The following ARHGAP27 variants were observed in gnomAD, a reference collection of about 807,000 sequenced individuals.
ARHGAP27 encodes rho GTPase-activating protein 27.
In ARHGAP27, 53 loss-of-function variants were observed where a neutral mutation model predicts 102.0. The observed-to-expected ratio is 0.52, with a 90% CI of 0.42 to 0.65. ARHGAP27 has a LOEUF of 0.65. Among genes scored for constraint, ARHGAP27 ranks in the 30% least tolerant of loss-of-function variants. The probability of loss-of-function intolerance (pLI) is 0.00; values close to 1 mark genes in which losing one functional copy is unlikely to be tolerated. For synonymous variants in ARHGAP27, 525 were observed against 542.8 expected, an observed-to-expected ratio of 0.97 and a Z score of 0.46; for missense variants, 1,117 against 1,256.2, an observed-to-expected ratio of 0.89 and a Z score of 1.68.
chr17:45,402,611 TA>T (rs1289815066), intron 12 of ARHGAP27, 102 bp downstream of exon 12: 1 of 1,084,268 alleles, frequency 9.2e-7, no homozygotes, highest in Non-Finnish European at 1.4e-6. Flanking sequence ...CATAGGGAAT[TA>T]AGGGTCAAAA....
Position 45,396,204 on chromosome 17 carries a change from C to T in ARHGAP27, c.2251+3G>A, listed in dbSNP as rs745427174. On this transcript the variant is annotated splice_donor_region_variant and intron_variant, in intron 17 of 19. Transcript: ENST00000685559. The stretch of plus-strand genomic sequence containing the variant: ...TGGGGCAGGGGTTGGGGACGGGCCT[C>T]ACCGTGGTCCACCTTATAGCGTAGC... 1.2e-6 allele frequency: 2 copies of T among 1,608,400 alleles called. No individual in the cohort carries two copies. Among genetic ancestry groups the T allele is most frequent in the East Asian group, 4.5e-5 (2 of 44,804 alleles).
rs548903607 is a variant in ARHGAP27 at position 45,426,370 on chromosome 17, C to T, written c.657+3253G>A. ...GCCCCTTTGGGACTGCATCTTACCACACTTTGTCCCCAGTGTCCAGCACAG... is the reference window on the plus strand; with the variant it reads ...GCCCCTTTGGGACTGCATCTTACCATACTTTGTCCCCAGTGTCCAGCACAG... On this transcript the variant is annotated intron_variant, in intron 4 of 19. Transcript: ENST00000685559. 9.6e-4 allele frequency among the ~76,000 whole-genome samples: 146 copies of T among 152,268 alleles called. 1 individual carries two copies. The highest frequency in any genetic ancestry group is 3.1e-3 in the African/African-American group (130 of 41,566).
Position 45,395,533 on chromosome 17 carries a change from G to A in ARHGAP27, c.2593C>T (p.Pro865Ser), listed in dbSNP as rs1474206434. Reference sequence around the variant, plus strand: ...TGGTTCTGGAACACCATGGTCATGGGCATGCTGGTCTCTTCCACCTCGGGC... The same window carrying A: ...TGGTTCTGGAACACCATGGTCATGGACATGCTGGTCTCTTCCACCTCGGGC... ...LRPEVEETSM[P>S]MTMVFQNQVV... is the part of the protein sequence containing the mutation. Residue 865 changes from proline (P) to serine (S), a missense_variant, in exon 20 of 20, where the codon CCC (proline) becomes TCC (serine). Transcript: ENST00000685559. The A allele has an allele frequency of 1.2e-6, 2 of 1,601,630 alleles. No homozygotes were observed. Among genetic ancestry groups the A allele is most frequent in the Non-Finnish European group, 8.5e-7 (1 of 1,174,270 alleles).
At chr17:45,402,227 C>T (rs1397039784) in intron 12 of ARHGAP27, among the ~76,000 whole-genome samples, 1 of 152,168 alleles carries the variant, frequency 6.6e-6, no homozygotes, top group Non-Finnish European at 1.5e-5. Context: ...TCACAGTAAG[C>T]AGCCAGGGAC....
chr17:45,417,121 A>G (rs1266432734), intron 4 of ARHGAP27, among the ~76,000 whole-genome samples: 1 of 149,138 alleles, frequency 6.7e-6, no homozygotes, highest in Non-Finnish European at 1.5e-5. Context: ...GAGCCATTGC[A>G]CTCCAGCCTA....
In ARHGAP27 at chr17:45,396,601, A is replaced by C; in HGVS notation, c.2075-16T>G. 1 of 1,609,898 alleles carries C rather than the reference A, an allele frequency of 6.2e-7. No individual in the cohort carries two copies. Among genetic ancestry groups the C allele is most frequent in the African/African-American group, 1.3e-5 (1 of 74,956 alleles). On this transcript the variant is annotated splice_polypyrimidine_tract_variant and intron_variant, in intron 15 of 19. Coordinates refer to ENST00000685559, the MANE Select transcript of ARHGAP27 (RefSeq NM_001282290.2). The stretch of plus-strand genomic sequence containing the variant: ...AACACCTGGTCTAGGGCAGAGGCTC[A>C]TCAGCTCCTGCCCAGCCTGCGCCCC...
chr17:45,429,353 C>G, intron 4 of ARHGAP27: 1 of 1,204,470 alleles, frequency 8.3e-7, no homozygotes, highest in Non-Finnish European at 1.1e-6. Context: ...AGCCTCACAT[C>G]AGTTCAAGCG....
chr17:45,429,279 T>C (rs1285174122), intron 4 of ARHGAP27: 1 of 700,382 alleles, frequency 1.4e-6, no homozygotes, highest in Non-Finnish European at 2.1e-6. Context: ...ACCATCGAGC[T>C]CATTTGCATT....
At chr17:45,416,885 T>G (rs1311367615) in intron 4 of ARHGAP27, among the ~76,000 whole-genome samples, 1 of 145,854 alleles carries the variant, frequency 6.9e-6, no homozygotes, top group African/African-American at 2.5e-5. Context: ...CCGGGCGCGG[T>G]GGCTCATGCC....
At chr17:45,405,147 A>C (rs1418398484) in intron 5 of ARHGAP27, 41 bp from the exon 6 acceptor site, 36 of 1,518,754 alleles carry the variant, frequency 2.4e-5, no homozygotes, top group Non-Finnish European at 3.2e-5. Flanking sequence ...TCTGAGTGCC[A>C]GTACTGCCTG....
At chr17:45,403,402 A>T (rs2046695198) in intron 11 of ARHGAP27, among the ~76,000 whole-genome samples, 1 of 152,124 alleles carries the variant, frequency 6.6e-6, no homozygotes, top group Non-Finnish European at 1.5e-5. Flanking sequence ...TCTACTAAAA[A>T]CACAAAAATT....
chr17:45,421,733 G>GA (rs1205451144), intron 4 of ARHGAP27, among the ~76,000 whole-genome samples: 1 of 152,050 alleles, frequency 6.6e-6, no homozygotes, highest in Non-Finnish European at 1.5e-5. Context: ...AGATCAGAGG[G>GA]AAAAAAACTG....
Position 45,395,601 on chromosome 17 carries a change from G to C in ARHGAP27, c.2525C>G (p.Ser842Trp), listed in dbSNP as rs2045506497. 1 of 1,607,464 alleles carries C rather than the reference G, an allele frequency of 6.2e-7. No homozygotes were observed. Among genetic ancestry groups the C allele is most frequent in the Non-Finnish European group, 8.5e-7 (1 of 1,177,364 alleles). The stretch of plus-strand genomic sequence containing the variant: ...GAACACAATGGCCACGCTCTGCACC[G>C]ACATGCGGTTCTGCTCGCCGTGCTC... ...VIEHGEQNRMSVQSVAIVFGP... is the reference protein window; with the variant it reads ...VIEHGEQNRMWVQSVAIVFGP... The change falls in exon 20 of 20, where the codon TCG becomes TGG. Residue 842 changes from serine to tryptophan, a missense_variant. Physicochemically the swap from Ser to Trp is radical, Grantham distance 177 (BLOSUM62 -3). Around this residue, in one of 3 missense-constraint regions of ARHGAP27, gnomAD observed 493 missense variants for 505.5 expected, o/e 0.98. Coordinates refer to ENST00000685559, the MANE Select transcript of ARHGAP27 (RefSeq NM_001282290.2).
intron 5 of ARHGAP27, 101 bp from the exon 6 acceptor site, chr17:45,405,207 G>A: frequency 7.8e-7 from 1 of 1,280,668 alleles, no homozygotes; most frequent in Non-Finnish European, 1.1e-6. Context: ...TCTGGTCCCT[G>A]AGGCTGTGGG....
intron 12 of ARHGAP27, among the ~76,000 whole-genome samples, chr17:45,401,889 C>T (rs1298110455): frequency 6.6e-6 from 1 of 152,218 alleles, no homozygotes; most frequent in African/African-American, 2.4e-5. Flanking sequence ...CATCTTGAGT[C>T]CCATCTCTTA....
chr17:45,404,897 C>T, intron 6 of ARHGAP27, 27 bp downstream of exon 6: 5 of 1,614,076 alleles, frequency 3.1e-6, no homozygotes, highest in Non-Finnish European at 4.2e-6. Context: ...CTGAGGCTGT[C>T]CGGGTCCATC....
chr17:45,418,559 A>AGTAGTTCC (rs1448449611), intron 4 of ARHGAP27, among the ~76,000 whole-genome samples: 1 of 152,146 alleles, frequency 6.6e-6, no homozygotes, highest in Non-Finnish European at 1.5e-5. Context: ...AGTGTTACAA[A>AGTAGTTCC]GTAGTTCCTC....
At chr17:45,397,898 A>G (rs780665476) in intron 13 of ARHGAP27, 51 bp downstream of exon 13, 2 of 1,521,614 alleles carry the variant, frequency 1.3e-6, no homozygotes, top group Admixed American at 3.5e-5. Flanking sequence ...GGCCCCACTC[A>G]TAATGGCCAC....
rs2050154820 is a variant in ARHGAP27 at position 45,432,752 on chromosome 17, C to T, written c.-285G>A. 6.6e-6 allele frequency: 1 copy of T among 151,650 alleles called. No individual in the cohort carries two copies. The highest frequency in any genetic ancestry group is 6.6e-5 in the Admixed American group (1 of 15,260). The allele number at this position is 151,650 out of a possible 1,614,324, so 9.4% of individuals were successfully genotyped here. ...CTCCCGACCCTGCCTGCCCGGGCAC[C>T]TCGGGGCGTCCGCTCGCCGGCTTCG... On this transcript the variant is annotated splice_region_variant and 5_prime_UTR_variant, in exon 1 of 20. Transcript: ENST00000685559.
Sources: allele counts gnomAD v4.1 joint callset (sites outside exome capture counted in the v4.1 genomes callset), GRCh38; gene constraint gnomAD v4.1.1; regional missense constraint gnomAD v4.1.1; transcripts MANE v1.5; gene names NCBI Gene and HGNC (gene_info 2026-07-23, HGNC 2026-07-21).